Variants in ALG12 observed in about 807,000 individuals in gnomAD.
The protein encoded by ALG12 is ALG12 alpha-1,6-mannosyltransferase.
Under a neutral mutation model 46.0 loss-of-function variants are expected in ALG12, and 36 were observed. That is an observed-to-expected ratio of 0.78 (90% CI 0.60 to 1.03). ALG12 has a LOEUF of 1.03. Among genes scored for constraint, ALG12 ranks in the 50% least tolerant of loss-of-function variants. The pLI, the probability that ALG12 is intolerant of heterozygous loss-of-function variation, is 0.00. For synonymous variants in ALG12, 326 were observed against 291.6 expected, an observed-to-expected ratio of 1.12 and a Z score of -1.20; for missense variants, 599 against 633.5, an observed-to-expected ratio of 0.95 and a Z score of 0.58.
the ALG12 span, among the ~76,000 whole-genome samples, chr22:49,877,330 C>T: frequency 4.6e-5 from 7 of 151,890 alleles, no homozygotes; most frequent in South Asian, 2.1e-4. Flanking sequence ...TTTGCTCTGT[C>T]GCCCAGGCTG....
At chr22:49,883,908 C>T in the ALG12 span, 1 of 1,608,148 alleles carries the variant, frequency 6.2e-7, no homozygotes, top group East Asian at 2.2e-5. Flanking sequence ...GTGAGGATGA[C>T]TATGGCGCGC....
the ALG12 span, chr22:49,884,786 C>T: frequency 5.6e-6 from 9 of 1,607,918 alleles, no homozygotes; most frequent in Non-Finnish European, 7.7e-6. Context: ...GTGTCCTCGT[C>T]TCCAGTAAAG....
At chr22:49,886,530 G>A in the ALG12 span, 1 of 1,568,602 alleles carries the variant, frequency 6.4e-7, no homozygotes. This position sits in a 1 kb window ranked among gnomAD's most constrained non-coding sequence, Gnocchi z 7.7. Context: ...CCCTCAGCCA[G>A]GTCATCCCCA....
At chr22:49,861,072 G>A in the ALG12 span, among the ~76,000 whole-genome samples, 3 of 151,964 alleles carry the variant, frequency 2.0e-5, no homozygotes, top group Non-Finnish European at 2.9e-5. Flanking sequence ...CACCATGCCC[G>A]GCCTAGGCAA....
At chr22:49,879,161 CAAAA>C in the ALG12 span, among the ~76,000 whole-genome samples, 2 of 144,174 alleles carry the variant, frequency 1.4e-5, no homozygotes, top group Non-Finnish European at 3.0e-5. Context: ...AAACAAAAAA[CAAAA>C]AAAAACAGGA....
intron 3 of ALG12, among the ~76,000 whole-genome samples, chr22:49,912,164 C>G (rs765095762): frequency 1.3e-5 from 2 of 152,124 alleles, no homozygotes; most frequent in Non-Finnish European, 2.9e-5. Flanking sequence ...CCCTCGGCCC[C>G]AGGATGACAT....
the ALG12 span, among the ~76,000 whole-genome samples, chr22:49,860,523 T>G: frequency 6.6e-6 from 1 of 152,216 alleles, no homozygotes; most frequent in Non-Finnish European, 1.5e-5. Context: ...CTTAGTTATC[T>G]TCCACTTTGG....
At position 49,910,087 on chromosome 22, in the gene ALG12, G is replaced by GCCC. The variant is rs745708211; in HGVS notation, c.470_471insGGG (p.Val157_Leu158insGly). ...GCAGCCAGGCCGCGAGGGCCAGCAG[G>GCCC]ACTGCAAGACAGTGCGGGAGGGTGC... On this transcript the variant is annotated inframe_insertion and splice_region_variant, in exon 5 of 10. Transcript: ENST00000330817. 2 of 1,605,234 alleles carry GCCC rather than the reference G, an allele frequency of 1.2e-6. No individual in the cohort carries two copies. The highest frequency in any genetic ancestry group is 1.7e-5 in the Admixed American group (1 of 58,688).
chr22:49,901,736 C>CGT lies in ALG12; in HGVS notation c.*2100_*2101dup, dbSNP rs2060507403. The stretch of plus-strand genomic sequence containing the variant: ...GTGTGGTGTGTATGCATGGTGTGCA[C>CGT]GTGCATTGTGCATGCGTGGTGTATG... On this transcript the variant is annotated 3_prime_UTR_variant, in exon 10 of 10. Coordinates refer to ENST00000330817, the MANE Select transcript of ALG12 (RefSeq NM_024105.4). The CGT allele has an allele frequency of 1.1e-5, 1 of 90,192 alleles. No individual in the cohort carries two copies. The highest frequency in any genetic ancestry group is 1.0e-4 in the African/African-American group (1 of 9,742). 5.6% of individuals were successfully genotyped at this position (90,192 alleles called of 1,614,324 possible). A position where few individuals can be genotyped will look rare whatever the true frequency, so the allele number is the denominator to read the frequency against.
At chr22:49,893,613 A>G in the ALG12 span, among the ~76,000 whole-genome samples, 1 of 152,242 alleles carries the variant, frequency 6.6e-6, no homozygotes, top group Non-Finnish European at 1.5e-5. Context: ...AAAAAATTGC[A>G]GAAACTTGTC....
the ALG12 span, among the ~76,000 whole-genome samples, chr22:49,880,162 C>G: frequency 6.6e-6 from 1 of 152,202 alleles, no homozygotes; most frequent in African/African-American, 2.4e-5. Context: ...TGGCTCCTAA[C>G]ACGGCTTAAA....
chr22:49,900,262 C>T lies in ALG12; in HGVS notation c.*3576G>A, dbSNP rs1261883984. ...TAATGTTTATCTTTACAAAATTAAA[C>T]ACATGGGAGATAAACCAGGAGACAA... is the stretch of plus-strand genomic sequence containing the variant. On this transcript the variant is annotated 3_prime_UTR_variant, in exon 10 of 10. Transcript: ENST00000330817. The T allele has an allele frequency of 6.6e-6, 1 of 152,014 alleles. No individual in the cohort carries two copies. Among genetic ancestry groups the T allele is most frequent in the African/African-American group, 2.4e-5 (1 of 41,256 alleles). 9.4% of individuals were successfully genotyped at this position (152,014 alleles called of 1,614,324 possible).
chr22:49,892,187 CAAAAAAAAAA>C, the ALG12 span, among the ~76,000 whole-genome samples: 3 of 55,344 alleles, frequency 5.4e-5, no homozygotes, highest in African/African-American at 1.7e-4. Flanking sequence ...GACTCTGTCT[CAAAAAAAAAA>C]AAAAAAAAAA....
In ALG12 at chr22:49,905,428, C is replaced by T. The variant is rs2060537310; in HGVS notation, c.993-922G>A. Among the ~76,000 whole-genome samples, 1 of 152,184 alleles carries T rather than the reference C, an allele frequency of 6.6e-6. No homozygotes were observed. The highest frequency in any genetic ancestry group is 1.5e-5 in the Non-Finnish European group (1 of 68,030). ...TCATGTCCAACTGTGATCCCCAATG[C>T]TGGAGGTGGGGCCTGGTGGGAGGTG... On this transcript the variant is annotated intron_variant, in intron 7 of 9. Transcript: ENST00000330817. The surrounding 1 kb of genome is among the most constrained non-coding windows in gnomAD (Gnocchi z 4.9).
At position 49,904,190 on chromosome 22, in the gene ALG12, G is replaced by A. The variant is rs1569173089; in HGVS notation, c.1227C>T (p.Asn409=). ...TGTGTGGATCCTACCTCCAGGCGCT[G>A]TTGACTTGGAGAAACCGAGACACAC... ...QTGVSRFLQV[N]SAWRYDKRED... Residue 409 remains asparagine (N), a synonymous_variant, in exon 9 of 10, where the codon AAC becomes AAT. Transcript: ENST00000330817. The A allele has an allele frequency of 6.2e-7, 1 of 1,614,210 alleles. No homozygotes were observed. The highest frequency in any genetic ancestry group is 8.5e-7 in the Non-Finnish European group (1 of 1,180,030).
At chr22:49,873,979 G>A in the ALG12 span, among the ~76,000 whole-genome samples, 9 of 152,382 alleles carry the variant, frequency 5.9e-5, no homozygotes, top group Middle Eastern at 3.4e-3. Context: ...GAGCTGGCCC[G>A]TGCCGAGAAC....
In ALG12 at chr22:49,904,006, G is replaced by A. The variant is rs150614794; in HGVS notation, c.1299C>T (p.Leu433=). 1.5e-4 allele frequency: 248 copies of A among 1,614,198 alleles called. 1 individual carries two copies. The African/African-American group carries it at 2.6e-3, about 17-fold the overall frequency. Residue 433 remains leucine (L), a synonymous_variant, in exon 10 of 10, where the codon CTC becomes CTT. Transcript: ENST00000330817. Reference sequence around the variant, plus strand: ...CCAGGAGCCCAGGGGCCGCCTCCATGAGGATGTGTGTGTATGCCAGCATGC... The same window carrying A: ...CCAGGAGCCCAGGGGCCGCCTCCATAAGGATGTGTGTGTATGCCAGCATGC... ...GTGMLAYTHI[L]MEAAPGLLAL...
chr22:49,895,322 T>C (rs2060479771), downstream of ALG12, among the ~76,000 whole-genome samples: 1 of 152,132 alleles, frequency 6.6e-6, no homozygotes, highest in South Asian at 2.1e-4. Context: ...TTTGTAATTT[T>C]GGTTGGATTT....
rs1324186950 is a variant in ALG12, at chr22:49,903,236, T to C, written c.*602A>G. On this transcript the variant is annotated 3_prime_UTR_variant, in exon 10 of 10. Transcript: ENST00000330817. ...TAATCTTGAGAGGTTCCAATCAACATTTATTGCCTTATTCTTTTTATCTCA... is the reference window on the plus strand; with the variant it reads ...TAATCTTGAGAGGTTCCAATCAACACTTATTGCCTTATTCTTTTTATCTCA... 1.6e-5 allele frequency: 7 copies of C among 424,356 alleles called. No individual in the cohort carries two copies. The East Asian group carries it at 4.9e-4, about 30-fold the overall frequency. The allele number at this position is 424,356 out of a possible 1,614,324, so 26.3% of individuals were successfully genotyped here. A position where few individuals can be genotyped will look rare whatever the true frequency, so the allele number is the denominator to read the frequency against.
Sources: allele counts gnomAD v4.1 joint callset (sites outside exome capture counted in the v4.1 genomes callset), GRCh38; gene constraint gnomAD v4.1.1; non-coding constraint Gnocchi (gnomAD v3.1); transcripts MANE v1.5; gene names NCBI Gene and HGNC (gene_info 2026-07-23, HGNC 2026-07-21).